ARHGAP33: variants seen among roughly 807,000 people sequenced by gnomAD.
ARHGAP33 encodes the protein Rho GTPase activating protein 33, also known as rho GTPase-activating protein 33.
A neutral mutation model predicts 126.2 loss-of-function variants in ARHGAP33; 57 were observed. That is an observed-to-expected ratio of 0.45 (90% CI 0.36 to 0.56). The LOEUF (loss-of-function observed/expected upper bound fraction) is 0.56. ARHGAP33 is among the 20% of genes least tolerant of loss of function. The pLI is 0.00. For missense variants in ARHGAP33, 1,500 were observed against 1,748.3 expected (o/e 0.86, Z 2.53); for synonymous variants, 711 against 755.0 (o/e 0.94, Z 0.95).
intron 16 of ARHGAP33, chr19:35,784,560 T>C: frequency 7.6e-7 from 1 of 1,309,058 alleles, no homozygotes; most frequent in Non-Finnish European, 9.7e-7. Context: ...TTGTAGCTCC[T>C]GGGGGCGCTT....
Position 35,782,852 on chromosome 19 carries a change from G to T in ARHGAP33, c.1404G>T (p.Trp468Cys). The change falls in exon 15 of 21, where the codon TGG becomes TGT. Residue 468 changes from tryptophan (W) to cysteine (C), a missense_variant. This residue lies in a region of ARHGAP33 where 281 missense variants were observed against 413.7 expected (regional missense o/e 0.68). Transcript: ENST00000007510. The surrounding 1 kb of genome is among the most constrained non-coding windows in gnomAD (Gnocchi z 4.1). Reference protein sequence around the residue: ...SMHARNLAIVWAPNLLRSMEL... With the variant: ...SMHARNLAIVCAPNLLRSMEL... ...ATGCCCGCAACCTGGCCATTGTCTG[G>T]GCACCCAACCTGCTACGGTGAGCTG... The T allele has an allele frequency of 6.2e-7, 1 of 1,612,936 alleles. No homozygotes were observed. Among genetic ancestry groups the T allele is most frequent in the Non-Finnish European group, 8.5e-7 (1 of 1,179,496 alleles).
rs146734289 is a variant in ARHGAP33, at chr19:35,787,980, C to G, written c.3415C>G (p.Pro1139Ala). The change falls in exon 21 of 21, where the codon CCG becomes GCG. Residue 1139 changes from proline (P) to alanine (A), a missense_variant. Pro to Ala is a conservative substitution (Grantham distance 27). This residue lies in a region of ARHGAP33 where 642 missense variants were observed against 634.0 expected (regional missense o/e 1.01). Transcript: ENST00000007510. ...HRSPDFLLSY[P>A]PAPSCFPPDH... is the part of the protein sequence containing the mutation. ...GTCCCCCGACTTCCTGCTCAGCTAC[C>G]CGCCAGCCCCCTCCTGCTTTCCCCC... is the stretch of plus-strand genomic sequence containing the variant. The G allele has an allele frequency of 6.5e-7, 1 of 1,531,528 alleles. No individual in the cohort carries two copies. Among genetic ancestry groups the G allele is most frequent in the Non-Finnish European group, 8.9e-7 (1 of 1,117,776 alleles). The allele number at this position is 1,531,528 out of a possible 1,614,324, so 94.9% of individuals were successfully genotyped here.
intron 1 of ARHGAP33, 28 bp downstream of exon 1, chr19:35,775,692 G>A: frequency 6.5e-7 from 1 of 1,536,304 alleles, no homozygotes; most frequent in East Asian, 2.7e-5. Context: ...CCGTCAGCCT[G>A]TCCGTCCGGA....
At chr19:35,778,739 G>T in intron 5 of ARHGAP33, 138 bp downstream of exon 5, 2 of 1,265,710 alleles carry the variant, frequency 1.6e-6, no homozygotes, top group Non-Finnish European at 2.1e-6. Flanking sequence ...GAATGGAGAA[G>T]CCTTAGAAAC....
rs772741510 is a variant in ARHGAP33 at position 35,780,764 on chromosome 19, T to C, written c.777T>C (p.Asp259=). The C allele has an allele frequency of 1.2e-6, 2 of 1,613,888 alleles. No individual in the cohort carries two copies. The highest frequency in any genetic ancestry group is 1.7e-6 in the Non-Finnish European group (2 of 1,180,016). ...CCATTTTTCGCCTAGCAGATGCCGA[T>C]GGCCCCCCATGTGGCATCCCGGCTC... ...RPGPGLKADA[D]GPPCGIPAPQ... Residue 259 remains aspartate (D), a synonymous_variant, in exon 10 of 21, where the codon GAT becomes GAC. Coordinates refer to ENST00000007510, the MANE Select transcript of ARHGAP33 (RefSeq NM_001366178.1).
intron 3 of ARHGAP33, 141 bp downstream of exon 3, chr19:35,778,049 A>T: frequency 9.9e-7 from 1 of 1,008,392 alleles, no homozygotes; most frequent in South Asian, 1.5e-5. Flanking sequence ...CAAAAGTTGC[A>T]GGAGCCACAG....
At position 35,787,653 on chromosome 19, in the gene ARHGAP33, C is replaced by T; in HGVS notation, c.3088C>T (p.Pro1030Ser). ...PCSVPSQVPT[P>S]GFFSPAPREC... ...TTCTGTCCCCTCACAGGTTCCTACCCCCGGCTTCTTCTCCCCAGCCCCCAG... is the reference window on the plus strand; with the variant it reads ...TTCTGTCCCCTCACAGGTTCCTACCTCCGGCTTCTTCTCCCCAGCCCCCAG... The change falls in exon 21 of 21, where the codon CCC (proline) becomes TCC (serine). Residue 1030 changes from proline to serine, a missense_variant. Around this residue, in one of 6 missense-constraint regions of ARHGAP33, gnomAD observed 642 missense variants for 634.0 expected, o/e 1.01. Transcript: ENST00000007510. 2 of 1,593,482 alleles carry T rather than the reference C, an allele frequency of 1.3e-6. No homozygotes were observed. The highest frequency in any genetic ancestry group is 1.7e-6 in the Non-Finnish European group (2 of 1,174,444).
Position 35,780,983 on chromosome 19 carries a change from C to G in ARHGAP33, c.893C>G (p.Ser298Cys). Reference protein sequence around the residue: ...LLRTFMRSRPSRQRLRQRGIL... With the variant: ...LLRTFMRSRPCRQRLRQRGIL... ...CGCACCTTCATGCGCTCCCGCCCTTCTCGGCAGCGGCTGCGGCAGCGGGGA... is the reference window on the plus strand; with the variant it reads ...CGCACCTTCATGCGCTCCCGCCCTTGTCGGCAGCGGCTGCGGCAGCGGGGA... The change falls in exon 11 of 21, where the codon TCT becomes TGT. Residue 298 changes from serine to cysteine, a missense_variant. By Grantham distance (112) the Ser-to-Cys change is moderately radical. Coordinates refer to ENST00000007510, the MANE Select transcript of ARHGAP33 (RefSeq NM_001366178.1). 1 of 1,611,248 alleles carries G rather than the reference C, an allele frequency of 6.2e-7. No individual in the cohort carries two copies. Among genetic ancestry groups the G allele is most frequent in the Non-Finnish European group, 8.5e-7 (1 of 1,179,924 alleles).
Position 35,786,324 on chromosome 19 carries a change from G to C in ARHGAP33, c.1943-89G>C, listed in dbSNP as rs1340251587. Reference sequence around the variant, plus strand: ...CTTCACACTACTGTGGCCCTCTCCAGGAGGCGCCTCTTCATGTCCTTTCCC... The same window carrying C: ...CTTCACACTACTGTGGCCCTCTCCACGAGGCGCCTCTTCATGTCCTTTCCC... On this transcript the variant is annotated intron_variant, in intron 19 of 20. Coordinates refer to ENST00000007510, the MANE Select transcript of ARHGAP33 (RefSeq NM_001366178.1). The surrounding 1 kb of genome is among the most constrained non-coding windows in gnomAD (Gnocchi z 7.0). 8.3e-6 allele frequency: 12 copies of C among 1,452,904 alleles called. No individual in the cohort carries two copies. Among genetic ancestry groups the C allele is most frequent in the Non-Finnish European group, 9.9e-6 (11 of 1,106,976 alleles). 90.0% of individuals were successfully genotyped at this position (1,452,904 alleles called of 1,614,324 possible).
In ARHGAP33 at chr19:35,785,078, C is replaced by G. The variant is rs534976413; in HGVS notation, c.1693C>G (p.Pro565Ala). The G allele has an allele frequency of 3.8e-6, 6 of 1,571,884 alleles. No homozygotes were observed. In the African/African-American group the frequency reaches 4.0e-5, roughly 11 times the overall value. Residue 565 changes from proline to alanine, a missense_variant, in exon 17 of 21, where the codon CCC becomes GCC. Physicochemically the swap from Pro to Ala is conservative, Grantham distance 27. Coordinates refer to ENST00000007510, the MANE Select transcript of ARHGAP33 (RefSeq NM_001366178.1). ...GGGGACGCCCACGGAGCCCACAACT[C>G]CCAAGGCCCCGGCCTCACCTGCGGA... ...RLGTPTEPTT[P>A]KAPASPAERR... is the part of the protein sequence containing the mutation.
intron 10 of ARHGAP33, 32 bp from the exon 11 acceptor site, chr19:35,780,888 C>T (rs1971731167): frequency 6.2e-7 from 1 of 1,611,812 alleles, no homozygotes; most frequent in Non-Finnish European, 8.5e-7. Flanking sequence ...CCCACAAGAC[C>T]TGCCTTTGCC....
In ARHGAP33 at chr19:35,782,896, C is replaced by T; in HGVS notation, c.1421+27C>T. 1 of 1,581,558 alleles carries T rather than the reference C, an allele frequency of 6.3e-7. No individual in the cohort carries two copies. On this transcript the variant is annotated intron_variant, in intron 15 of 20. Transcript: ENST00000007510. The surrounding 1 kb of genome is among the most constrained non-coding windows in gnomAD (Gnocchi z 4.1). ...TGAGCTGCTTGCTCGCCTGCCTGCC[C>T]CTCAGGTCTTTCCCCAAAACCACCC...
At chr19:35,785,375 C>T in intron 18 of ARHGAP33, 34 bp from the exon 19 acceptor site, 1 of 1,614,110 alleles carries the variant, frequency 6.2e-7, no homozygotes. Context: ...GCGATGGTCG[C>T]TGGAGTGCCC....
chr19:35,784,900 G>C (rs1972023351), intron 16 of ARHGAP33, 53 bp from the exon 17 acceptor site: 4 of 1,489,150 alleles, frequency 2.7e-6, no homozygotes, highest in Non-Finnish European at 8.9e-7. Context: ...GGCTTTGCCT[G>C]TGGCCTTGGG....
Position 35,788,364 on chromosome 19 carries a change from C to T in ARHGAP33, c.3799C>T (p.Pro1267Ser), listed in dbSNP as rs746336659. 3 of 1,598,620 alleles carry T rather than the reference C, an allele frequency of 1.9e-6. No individual in the cohort carries two copies. Among genetic ancestry groups the T allele is most frequent in the African/African-American group, 2.7e-5 (2 of 74,546 alleles). ...GCAAAGAGGGGAGGGGGCTGGTCCCCCACCCCCTTACCCCACTCCCAGCTG... is the reference window on the plus strand; with the variant it reads ...GCAAAGAGGGGAGGGGGCTGGTCCCTCACCCCCTTACCCCACTCCCAGCTG... ...GGQRGEGAGPPPPYPTPSWSL... is the reference protein window; with the variant it reads ...GGQRGEGAGPSPPYPTPSWSL... Residue 1267 changes from proline to serine, a missense_variant, in exon 21 of 21, where the codon CCA (proline) becomes TCA (serine). Pro to Ser is a moderately conservative substitution (Grantham distance 74). Around this residue, in one of 6 missense-constraint regions of ARHGAP33, gnomAD observed 642 missense variants for 634.0 expected, o/e 1.01. Transcript: ENST00000007510.
Position 35,788,051 on chromosome 19 carries a change from T to G in ARHGAP33, c.3486T>G (p.Pro1162=), listed in dbSNP as rs1972219265. The change falls in exon 21 of 21, where the codon CCT becomes CCG. Residue 1162 remains proline, a synonymous_variant. Transcript: ENST00000007510. The stretch of plus-strand genomic sequence containing the variant: ...CCCCCCAGCACCCTGCTCGGCGCCC[T>G]ACACCGCCTGAGCCCCTCTACGTCA... ...YSAPQHPARR[P]TPPEPLYVNL... 3 of 1,550,604 alleles carry G rather than the reference T, an allele frequency of 1.9e-6. No individual in the cohort carries two copies. Among genetic ancestry groups the G allele is most frequent in the Non-Finnish European group, 2.6e-6 (3 of 1,146,682 alleles).
chr19:35,781,067 A>G lies in ARHGAP33; in HGVS notation c.977A>G (p.Gln326Arg), dbSNP rs760097910. 2 of 1,612,370 alleles carry G rather than the reference A, an allele frequency of 1.2e-6. No individual in the cohort carries two copies. The highest frequency in any genetic ancestry group is 1.7e-6 in the Non-Finnish European group (2 of 1,179,808). ...GGCGAGCACCTCAGCAACTCAGGCC[A>G]GGATGGTGAGGCCGGGGCCCACCCA... ...DLGEHLSNSG[Q>R]DVPQVLRCCS... Residue 326 changes from glutamine (Q) to arginine (R), a missense_variant, in exon 11 of 21, where the codon CAG becomes CGG. By Grantham distance (43) the Gln-to-Arg change is conservative (BLOSUM62 1). Coordinates refer to ENST00000007510, the MANE Select transcript of ARHGAP33 (RefSeq NM_001366178.1).
Position 35,787,444 on chromosome 19 carries a change from G to A in ARHGAP33, c.2879G>A (p.Gly960Asp), listed in dbSNP as rs78210368. Residue 960 changes from glycine (G) to aspartate (D), a missense_variant, in exon 21 of 21, where the codon GGT becomes GAT. Gly to Asp is a moderately conservative substitution (Grantham distance 94). Transcript: ENST00000007510. The part of the protein sequence containing the change: ...GPPPNSLAHP[G>D]AWVPGPPPYL... Reference sequence around the variant, plus strand: ...CCTCCCAACTCCCTAGCACACCCGGGTGCCTGGGTCCCGGGACCCCCACCC... The same window carrying A: ...CCTCCCAACTCCCTAGCACACCCGGATGCCTGGGTCCCGGGACCCCCACCC... The A allele has an allele frequency of 2.5e-6, 4 of 1,612,056 alleles. No homozygotes were observed. The highest frequency in any genetic ancestry group is 1.1e-5 in the South Asian group (1 of 91,002).
Position 35,788,257 on chromosome 19 carries a change from C to T in ARHGAP33, c.3692C>T (p.Pro1231Leu). 6.2e-7 allele frequency: 1 copy of T among 1,609,962 alleles called. No individual in the cohort carries two copies. The highest frequency in any genetic ancestry group is 8.5e-7 in the Non-Finnish European group (1 of 1,178,958). Residue 1231 changes from proline to leucine, a missense_variant, in exon 21 of 21, where the codon CCT becomes CTT. Physicochemically the swap from Pro to Leu is moderately conservative, Grantham distance 98. This residue lies in a region of ARHGAP33 where 642 missense variants were observed against 634.0 expected (regional missense o/e 1.01). Coordinates refer to ENST00000007510, the MANE Select transcript of ARHGAP33 (RefSeq NM_001366178.1). ...RVPGPWGPPE[P>L]LLLYRAAPPA... ...CCGGGTCCCTGGGGCCCTCCTGAGC[C>T]TCTCCTGCTCTACAGGGCAGCCCCG...
Sources: gnomAD v4.1 joint callset for allele counts on GRCh38, gnomAD v4.1.1 for gene constraint, gnomAD v4.1.1 regional missense constraint, Gnocchi (gnomAD v3.1) non-coding constraint, MANE v1.5 for transcripts, NCBI Gene and HGNC (gene_info 2026-07-23, HGNC 2026-07-21) for gene names.